Variants in MTFR1 observed in about 807,000 individuals in gnomAD.
MTFR1 encodes chondrocyte protein with a poly-proline region.
MTFR1 carries 28 observed loss-of-function variants against 38.8 expected under a neutral mutation model. That is an observed-to-expected ratio of 0.72 (90% CI 0.53 to 0.99). The LOEUF is 0.99. MTFR1 is among the 50% of genes least tolerant of loss of function. The pLI, the probability that MTFR1 is intolerant of heterozygous loss-of-function variation, is 0.00. For synonymous variants in MTFR1, 145 were observed against 137.0 expected, an observed-to-expected ratio of 1.06 and a Z score of -0.41; for missense variants, 358 against 395.5, an observed-to-expected ratio of 0.91 and a Z score of 0.81.
chr8:65,708,188 T>A, intron 7 of MTFR1, 177 bp downstream of exon 7: 1 of 1,250,418 alleles, frequency 8.0e-7, no homozygotes, highest in Non-Finnish European at 1.1e-6. Flanking sequence ...ATGACATCTT[T>A]GCTTAGCATT....
In MTFR1 at chr8:65,656,690, G is replaced by A. The variant is rs1015468247; in HGVS notation, c.-81+11906G>A. Among the ~76,000 whole-genome samples the A allele has an allele frequency of 4.6e-5, 7 of 151,656 alleles. No homozygotes were observed. In the East Asian group the frequency reaches 5.8e-4, roughly 13 times the overall value. On this transcript the variant is annotated intron_variant, in intron 1 of 7. Coordinates refer to ENST00000262146, the MANE Select transcript of MTFR1 (RefSeq NM_014637.4). ...CTAATTTTTGTATTTTTGTAGAGAC[G>A]AGGTTTCACCATGTTGGCCAGGCTG...
chr8:65,723,536 G>A (rs1806480409), intron 3 of MTFR1: 1 of 1,553,782 alleles, frequency 6.4e-7, no homozygotes, highest in African/African-American at 1.4e-5. Flanking sequence ...AATATGTATA[G>A]TTACCAATCT....
downstream of MTFR1, among the ~76,000 whole-genome samples, chr8:65,775,379 C>G (rs1462513083): frequency 6.6e-6 from 1 of 152,170 alleles, no homozygotes; most frequent in Non-Finnish European, 1.5e-5. Flanking sequence ...TTATTTCATT[C>G]TTTCTCATTT....
intron 2 of MTFR1, among the ~76,000 whole-genome samples, chr8:65,679,994 T>C (rs1804828045): frequency 6.6e-6 from 1 of 152,174 alleles, no homozygotes; most frequent in South Asian, 2.1e-4. Flanking sequence ...AGAGCTATCA[T>C]TTTTGTTGGT....
chr8:65,765,472 G>A (rs34281277), intron 3 of MTFR1: 4 of 102,232 alleles, frequency 3.9e-5, no homozygotes, highest in African/African-American at 1.6e-4. Context: ...CTGGGCGACA[G>A]AGCGAGACTC....
chr8:65,690,401 C>T (rs1421616688), intron 3 of MTFR1, among the ~76,000 whole-genome samples: 6 of 151,808 alleles, frequency 4.0e-5, no homozygotes, highest in Non-Finnish European at 5.9e-5. Context: ...AGCCAGGTGT[C>T]GTGGTGTGTG....
At chr8:65,678,176 G>A (rs1012227086) in intron 2 of MTFR1, among the ~76,000 whole-genome samples, 23 of 152,020 alleles carry the variant, frequency 1.5e-4, no homozygotes, top group African/African-American at 4.8e-4. Context: ...CACAAGTTAC[G>A]GTAGGAGATG....
rs1805914167 is a variant in MTFR1 at position 65,710,532 on chromosome 8, A to T, written c.*1488A>T. The T allele has an allele frequency of 6.6e-6, 1 of 152,612 alleles. No homozygotes were observed. The highest frequency in any genetic ancestry group is 2.4e-5 in the African/African-American group (1 of 41,454). 9.5% of individuals were successfully genotyped at this position (152,612 alleles called of 1,614,324 possible). On this transcript the variant is annotated 3_prime_UTR_variant, in exon 8 of 8. Coordinates refer to ENST00000262146, the MANE Select transcript of MTFR1 (RefSeq NM_014637.4). ...TATAAGGAAGTTACTGTTTTAAAAT[A>T]AAGCAAACTAACTGTTTTATTTTCC...
intron 3 of MTFR1, among the ~76,000 whole-genome samples, chr8:65,726,433 TCTTTA>T (rs1458486968): frequency 6.6e-6 from 1 of 152,206 alleles, no homozygotes; most frequent in African/African-American, 2.4e-5. Flanking sequence ...TAAGGCACTC[TCTTTA>T]CTTTCTTGTC....
At chr8:65,723,276 T>A (rs1167651510) in intron 3 of MTFR1, 1 of 212,060 alleles carries the variant, frequency 4.7e-6, no homozygotes, top group Non-Finnish European at 9.1e-6. Flanking sequence ...AGCTTCCACA[T>A]GAGCGAATAA....
intron 1 of MTFR1, among the ~76,000 whole-genome samples, chr8:65,659,868 C>T (rs887610123): frequency 2.0e-5 from 3 of 152,150 alleles, no homozygotes; most frequent in East Asian, 1.9e-4. Context: ...TCCCTTCTTA[C>T]TCTATATGAT....
At chr8:65,693,377 G>T (rs1033139727) in intron 3 of MTFR1, among the ~76,000 whole-genome samples, 1 of 151,870 alleles carries the variant, frequency 6.6e-6, no homozygotes, top group Non-Finnish European at 1.5e-5. Context: ...ACTCCAGCCT[G>T]GGCGACAGAG....
chr8:65,714,717 T>C (rs1276399785), downstream of MTFR1: 1 of 152,198 alleles, frequency 6.6e-6, no homozygotes, highest in Non-Finnish European at 1.5e-5. Context: ...AAAATATTTA[T>C]ACATGCTTGA....
chr8:65,746,292 T>G (rs1473810470), intron 3 of MTFR1, among the ~76,000 whole-genome samples: 1 of 152,080 alleles, frequency 6.6e-6, no homozygotes, highest in Non-Finnish European at 1.5e-5. Context: ...AATAACTAAC[T>G]TGCTCAGCTA....
chr8:65,668,524 TC>T (rs1031782756), intron 1 of MTFR1, among the ~76,000 whole-genome samples: 7 of 109,590 alleles, frequency 6.4e-5, no homozygotes, highest in Non-Finnish European at 1.4e-4. Context: ...TTTTCTTTTT[TC>T]TTTTTTTTTT....
chr8:65,645,322 C>T (rs533194856), intron 1 of MTFR1, among the ~76,000 whole-genome samples: 2 of 152,352 alleles, frequency 1.3e-5, no homozygotes, highest in South Asian at 4.1e-4. Flanking sequence ...CGCTTTTCGC[C>T]TCCTAGAACT....
At chr8:65,772,711 A>C (rs1809140974), downstream of MTFR1, among the ~76,000 whole-genome samples, 4 of 152,244 alleles carry the variant, frequency 2.6e-5, no homozygotes, top group Admixed American at 2.6e-4. Flanking sequence ...ACTCAAGCCT[A>C]GGGTTAAACT....
At chr8:65,727,433 G>T in intron 3 of MTFR1, 1 of 1,323,352 alleles carries the variant, frequency 7.6e-7, no homozygotes, top group Non-Finnish European at 1.0e-6. Flanking sequence ...TCCTCAGGTG[G>T]TTGTTCATTA....
At chr8:65,656,221 AAAC>A (rs1214519133) in intron 1 of MTFR1, among the ~76,000 whole-genome samples, 8 of 151,644 alleles carry the variant, frequency 5.3e-5, no homozygotes, top group South Asian at 2.1e-4. Flanking sequence ...AAACAAAAAC[AAAC>A]AACATTCATC....
Sources: gnomAD v4.1 joint callset for allele counts (sites outside exome capture counted in the v4.1 genomes callset) on GRCh38, gnomAD v4.1.1 for gene constraint, MANE v1.5 for transcripts, NCBI Gene and HGNC (gene_info 2026-07-23, HGNC 2026-07-21) for gene names.